ZNF516: variants seen among roughly 807,000 people sequenced by gnomAD.
ZNF516 encodes zinc finger protein 516.
ZNF516 carries 19 observed loss-of-function variants against 79.7 expected under a neutral mutation model. The observed-to-expected ratio is 0.24, with a 90% CI of 0.17 to 0.35. The LOEUF is 0.35. Among genes scored for constraint, ZNF516 ranks in the 10% least tolerant of loss-of-function variants. The pLI is 1.00. For synonymous variants in ZNF516, 877 were observed against 739.5 expected, an observed-to-expected ratio of 1.19 and a Z score of -3.02; for missense variants, 1,678 against 1,679.5, an observed-to-expected ratio of 1.00 and a Z score of 0.02.
chr18:76,442,895 G>A lies in ZNF516; in HGVS notation c.160C>T (p.Arg54Cys). 1 of 1,613,660 alleles carries A rather than the reference G, an allele frequency of 6.2e-7. No individual in the cohort carries two copies. Among genetic ancestry groups the A allele is most frequent in the Non-Finnish European group, 8.5e-7 (1 of 1,179,838 alleles). ...TAGGGCTTCTCGCCCGTGTGCTTGC[G>A]CATGTGCTGCGAAAGCGAGCTCTGG... ...PFQSSLSQHMRKHTGEKPYKC... is the reference protein window; with the variant it reads ...PFQSSLSQHMCKHTGEKPYKC... The change falls in exon 3 of 7, where the codon CGC becomes TGC. Residue 54 changes from arginine (R) to cysteine (C), a missense_variant. Physicochemically the swap from Arg to Cys is radical, Grantham distance 180 (BLOSUM62 -3). Around this residue, in one of 5 missense-constraint regions of ZNF516, gnomAD observed 26 missense variants for 66.4 expected, o/e 0.39. Coordinates refer to ENST00000443185, the MANE Select transcript of ZNF516 (RefSeq NM_014643.4).
chr18:76,368,421 T>C (rs1353486512), intron 6 of ZNF516, among the ~76,000 whole-genome samples: 1 of 152,024 alleles, frequency 6.6e-6, no homozygotes, highest in South Asian at 2.1e-4. Context: ...AGCTCAGATA[T>C]GGAATTTAAC....
rs1041666301 is a variant in ZNF516 at position 76,443,183 on chromosome 18, T to TG, written c.-130dup. On this transcript the variant is annotated 5_prime_UTR_variant, in exon 3 of 7. Transcript: ENST00000443185. ...GCTCCCAGGAGGTGCACCTTCTACA[T>TG]GGGGGGCGCAGCAGCTGGCAGCCAG... 7 of 1,361,122 alleles carry TG rather than the reference T, an allele frequency of 5.1e-6. No homozygotes were observed. The highest frequency in any genetic ancestry group is 3.0e-5 in the African/African-American group (2 of 67,626). The allele number at this position is 1,361,122 out of a possible 1,614,324, so 84.3% of individuals were successfully genotyped here.
chr18:76,384,529 C>T (rs1188330731), intron 3 of ZNF516, among the ~76,000 whole-genome samples: 1 of 142,392 alleles, frequency 7.0e-6, no homozygotes, highest in Admixed American at 6.9e-5. Context: ...GCCCCCTCCA[C>T]GAACCCCACG....
At chr18:76,412,536 G>C (rs545318802) in intron 3 of ZNF516, among the ~76,000 whole-genome samples, 18 of 152,314 alleles carry the variant, frequency 1.2e-4, no homozygotes, top group African/African-American at 4.3e-4. Context: ...AGCAGGGCCA[G>C]CCTTAGGAAG....
intron 3 of ZNF516, among the ~76,000 whole-genome samples, chr18:76,426,610 C>T (rs892736910): frequency 3.9e-5 from 6 of 152,150 alleles, no homozygotes; most frequent in Middle Eastern, 3.4e-3. Flanking sequence ...CTAAATTTGG[C>T]ATCCCTAACT....
intron 3 of ZNF516, among the ~76,000 whole-genome samples, chr18:76,438,705 C>A (rs954259953): frequency 1.3e-5 from 2 of 152,294 alleles, no homozygotes; most frequent in Non-Finnish European, 1.5e-5. Flanking sequence ...AGAGGAGTTT[C>A]TTTCACTTAA....
At chr18:76,424,613 ACG>A in intron 3 of ZNF516, among the ~76,000 whole-genome samples, 1 of 129,870 alleles carries the variant, frequency 7.7e-6, no homozygotes, top group Non-Finnish European at 1.6e-5. Context: ...CCCGAAACAC[ACG>A]CAGGTGAAAA....
chr18:76,460,052 C>T (rs778561277), intron 2 of ZNF516, among the ~76,000 whole-genome samples: 2 of 152,222 alleles, frequency 1.3e-5, no homozygotes, highest in Non-Finnish European at 1.5e-5. Context: ...CAGAAAACAC[C>T]GCACTGCATT....
intron 4 of ZNF516, 78 bp from the exon 5 acceptor site, chr18:76,371,649 G>T (rs1369852884): frequency 1.1e-5 from 13 of 1,132,848 alleles, no homozygotes; most frequent in Non-Finnish European, 1.5e-5. Context: ...GAGCGAGGGG[G>T]AAGCGAGAGG....
Position 76,442,227 on chromosome 18 carries a change from G to A in ZNF516, c.828C>T (p.His276=), listed in dbSNP as rs778848658. ...ACCTACGGCCGCAGATGTGGCAGCC[G>A]TGGTCGAAGGAGCCCCGGTGCTTCT... ...HMKKHRGSFD[H]GCHICGRRFK... The change falls in exon 3 of 7, where the codon CAC becomes CAT. Residue 276 remains histidine (H), a synonymous_variant. Coordinates refer to ENST00000443185, the MANE Select transcript of ZNF516 (RefSeq NM_014643.4). 6.8e-6 allele frequency: 11 copies of A among 1,613,672 alleles called. No individual in the cohort carries two copies. Among genetic ancestry groups the A allele is most frequent in the Non-Finnish European group, 7.6e-6 (9 of 1,179,878 alleles).
chr18:76,455,207 C>T (rs17059382), intron 2 of ZNF516, among the ~76,000 whole-genome samples: 3,378 of 152,288 alleles, frequency 0.022, 48 homozygotes, highest in Middle Eastern at 0.034. Context: ...GTGACTACAT[C>T]TGGATAGTCC....
chr18:76,373,155 A>G (rs1025903617), intron 4 of ZNF516, among the ~76,000 whole-genome samples: 2 of 152,046 alleles, frequency 1.3e-5, no homozygotes, highest in Non-Finnish European at 1.5e-5. Context: ...GTCTTGAATG[A>G]AAGAAAGAAA....
intron 3 of ZNF516, among the ~76,000 whole-genome samples, chr18:76,433,282 T>C (rs982016026): frequency 6.6e-6 from 1 of 152,220 alleles, no homozygotes; most frequent in African/African-American, 2.4e-5. Flanking sequence ...TGGAGTTCGC[T>C]GTCAACTCTG....
chr18:76,431,250 GACACAC>G (rs71991368), intron 3 of ZNF516, among the ~76,000 whole-genome samples: 1 of 150,288 alleles, frequency 6.7e-6, no homozygotes, highest in Non-Finnish European at 1.5e-5. Context: ...CAGAGACGAG[GACACAC>G]ACACACACAC....
intron 3 of ZNF516, among the ~76,000 whole-genome samples, chr18:76,389,935 G>C (rs903746107): frequency 1.3e-5 from 2 of 152,232 alleles, no homozygotes; most frequent in Non-Finnish European, 2.9e-5. Context: ...CCGAGCGATA[G>C]TGGGCAGCAC....
upstream of ZNF516, chr18:76,495,665 T>C: frequency 8.6e-7 from 1 of 1,166,838 alleles, no homozygotes; most frequent in Non-Finnish European, 1.1e-6. Context: ...CCGGAGGCCG[T>C]TTCCGCGCGC....
chr18:76,385,409 G>C (rs1027763861), intron 3 of ZNF516, among the ~76,000 whole-genome samples: 1 of 152,236 alleles, frequency 6.6e-6, no homozygotes, highest in Non-Finnish European at 1.5e-5. Flanking sequence ...CAAAAGCACA[G>C]AAATGCGGTG....
At chr18:76,466,721 G>A (rs1913495365) in intron 1 of ZNF516, among the ~76,000 whole-genome samples, 1 of 152,242 alleles carries the variant, frequency 6.6e-6, no homozygotes, top group South Asian at 2.1e-4. Flanking sequence ...GGGGACACGT[G>A]CCTACAGTGG....
At chr18:76,405,502 G>A (rs533405198) in intron 3 of ZNF516, among the ~76,000 whole-genome samples, 1 of 152,280 alleles carries the variant, frequency 6.6e-6, no homozygotes, top group African/African-American at 2.4e-5. Context: ...CCAGCAGGCA[G>A]CAGGCCCCAG....
Sources: allele counts gnomAD v4.1 joint callset (sites outside exome capture counted in the v4.1 genomes callset), GRCh38; gene constraint gnomAD v4.1.1; regional missense constraint gnomAD v4.1.1; transcripts MANE v1.5; gene names NCBI Gene and HGNC (gene_info 2026-07-23, HGNC 2026-07-21).